Variants in HSF5 observed in about 807,000 individuals in gnomAD.
The protein encoded by HSF5 is heat shock factor protein 5.
A neutral mutation model predicts 50.8 loss-of-function variants in HSF5; 5 were observed. The ratio of observed to expected loss-of-function variants is 0.10; its 90% CI spans 0.05 to 0.21. The LOEUF (loss-of-function observed/expected upper bound fraction) is 0.21, where lower values mean the gene tolerates loss of function less well. HSF5 is among the 10% of genes least tolerant of loss of function. The pLI is 1.00. For missense variants in HSF5, 564 were observed against 762.6 expected, an observed-to-expected ratio of 0.74 and a Z score of 3.07; for synonymous variants, 307 against 307.4, an observed-to-expected ratio of 1.00 and a Z score of 0.02.
At chr17:58,478,908 CA>C (rs1975062360) in intron 2 of HSF5, among the ~76,000 whole-genome samples, 1 of 148,758 alleles carries the variant, frequency 6.7e-6, no homozygotes, top group South Asian at 2.1e-4. Flanking sequence ...GAAGAAAACA[CA>C]ACTTTTTTTT....
At chr17:58,438,441 T>G (rs998793229) in intron 5 of HSF5, among the ~76,000 whole-genome samples, 3 of 152,162 alleles carry the variant, frequency 2.0e-5, no homozygotes, top group African/African-American at 7.2e-5. Context: ...AAGGGATACA[T>G]GATTATATGT....
intron 1 of HSF5, among the ~76,000 whole-genome samples, chr17:58,483,303 G>A (rs1975125719): frequency 6.6e-6 from 1 of 152,118 alleles, no homozygotes; most frequent in Non-Finnish European, 1.5e-5. Flanking sequence ...TATTTTAGAT[G>A]CAGTTAAAAT....
rs60110254 is a variant in HSF5 at position 58,462,469 on chromosome 17, A to C, written c.1542+313T>G. ...CAGGCATATCTAATCTATCCAAATT[A>C]AGATAGGAAGCAAAAACTCAAGAGA... On this transcript the variant is annotated intron_variant, in intron 4 of 5. Transcript: ENST00000323777. 9.6e-3 allele frequency among the ~76,000 whole-genome samples: 1,457 copies of C among 152,346 alleles called. 27 individuals are homozygous for C. The highest frequency in any genetic ancestry group is 0.033 in the African/African-American group (1,358 of 41,578).
At chr17:58,462,334 G>C (rs1974805483) in intron 4 of HSF5, among the ~76,000 whole-genome samples, 2 of 152,168 alleles carry the variant, frequency 1.3e-5, no homozygotes, top group African/African-American at 4.8e-5. Flanking sequence ...CTGTAATAAA[G>C]TTAGAAAAGA....
In HSF5 at chr17:58,462,920, C is replaced by A. The variant is rs762216209; in HGVS notation, c.1404G>T (p.Gln468His). 6.2e-7 allele frequency: 1 copy of A among 1,614,154 alleles called. No individual in the cohort carries two copies. Among genetic ancestry groups the A allele is most frequent in the Non-Finnish European group, 8.5e-7 (1 of 1,180,026 alleles). ...PEYIYTIHTA[Q>H]PVENSTIQES... ...CCTGTATTGTGCTATTTTCAACAGGCTGAGCTGTGTGGATGGTATAGATGT... is the reference window on the plus strand; with the variant it reads ...CCTGTATTGTGCTATTTTCAACAGGATGAGCTGTGTGGATGGTATAGATGT... The change falls in exon 4 of 6, where the codon CAG (glutamine) becomes CAT (histidine). Residue 468 changes from glutamine (Q) to histidine (H), a missense_variant. Physicochemically the swap from Gln to His is conservative, Grantham distance 24. Around this residue, in one of 5 missense-constraint regions of HSF5, gnomAD observed 441 missense variants for 533.6 expected, o/e 0.83. Transcript: ENST00000323777.
intron 2 of HSF5, 53 bp downstream of exon 2, chr17:58,479,840 T>C (rs1223541442): frequency 6.9e-7 from 1 of 1,458,658 alleles, no homozygotes; most frequent in African/African-American, 1.4e-5. Flanking sequence ...TATATATATA[T>C]GCTCATTATA....
In HSF5 at chr17:58,488,114, G is replaced by A; in HGVS notation, c.161C>T (p.Pro54Leu). ...AGTCCCGCCACCGCCCCCCGGCCCG[G>A]GCGGGCTGAGCAGCTCGGCCTCGAA... ...PLFEAELLSP[P>L]GPGGGGGTAG... Residue 54 changes from proline (P) to leucine (L), a missense_variant, in exon 1 of 6, where the codon CCC becomes CTC. Physicochemically the swap from Pro to Leu is moderately conservative, Grantham distance 98. Around this residue, in one of 5 missense-constraint regions of HSF5, gnomAD observed 72 missense variants for 110.9 expected, o/e 0.65. Transcript: ENST00000323777. This position sits in a 1 kb window ranked among gnomAD's most constrained non-coding sequence, Gnocchi z 4.1. 1 of 1,575,630 alleles carries A rather than the reference G, an allele frequency of 6.3e-7. No homozygotes were observed. The highest frequency in any genetic ancestry group is 8.6e-7 in the Non-Finnish European group (1 of 1,169,024).
intron 5 of HSF5, 84 bp from the exon 6 acceptor site, chr17:58,422,514 CTA>C: frequency 9.8e-7 from 1 of 1,015,246 alleles, no homozygotes; most frequent in Non-Finnish European, 1.5e-6. Flanking sequence ...AACAAGTTGT[CTA>C]TGTCTCACCT....
intron 2 of HSF5, among the ~76,000 whole-genome samples, chr17:58,479,164 A>T (rs1232795811): frequency 6.6e-6 from 1 of 152,056 alleles, no homozygotes; most frequent in Non-Finnish European, 1.5e-5. Flanking sequence ...TTCATTAAAT[A>T]TCATTACTGA....
chr17:58,425,595 A>AAAAAAAAG (rs1974286980), intron 5 of HSF5, among the ~76,000 whole-genome samples: 1 of 150,910 alleles, frequency 6.6e-6, no homozygotes, highest in Non-Finnish European at 1.5e-5. Flanking sequence ...AAAAAAAAAA[A>AAAAAAAAG]AAAAAAACAG....
At chr17:58,475,610 C>T (rs1224638378) in intron 2 of HSF5, among the ~76,000 whole-genome samples, 1 of 152,172 alleles carries the variant, frequency 6.6e-6, no homozygotes, top group Admixed American at 6.6e-5. Context: ...CTTAACCCCC[C>T]CAAACATCTC....
chr17:58,460,442 T>A (rs1187940153), intron 4 of HSF5, among the ~76,000 whole-genome samples: 2 of 148,940 alleles, frequency 1.3e-5, no homozygotes, highest in African/African-American at 2.5e-5. Flanking sequence ...TATAATGAAA[T>A]AAAAAGTTTA....
At chr17:58,472,306 C>A (rs1338918119) in intron 2 of HSF5, among the ~76,000 whole-genome samples, 1 of 152,026 alleles carries the variant, frequency 6.6e-6, no homozygotes, top group Non-Finnish European at 1.5e-5. Flanking sequence ...AGCTGTACCC[C>A]CCCCAAAAAA....
chr17:58,440,723 G>T (rs1264678990), intron 5 of HSF5, among the ~76,000 whole-genome samples: 1 of 152,106 alleles, frequency 6.6e-6, no homozygotes, highest in Non-Finnish European at 1.5e-5. Context: ...CAAATTCCAA[G>T]CTTGAAAAAT....
intron 5 of HSF5, among the ~76,000 whole-genome samples, chr17:58,444,433 C>T (rs1285910684): frequency 6.6e-6 from 1 of 152,138 alleles, no homozygotes; most frequent in African/African-American, 2.4e-5. Flanking sequence ...AAATGACCTT[C>T]AACAAGGGTG....
At chr17:58,424,063 G>A (rs991278246) in intron 5 of HSF5, among the ~76,000 whole-genome samples, 2 of 152,110 alleles carry the variant, frequency 1.3e-5, no homozygotes, top group African/African-American at 4.8e-5. Flanking sequence ...CCAGGGATAG[G>A]TGCTTACTCA....
At chr17:58,467,976 T>C (rs1974891183) in intron 2 of HSF5, among the ~76,000 whole-genome samples, 1 of 152,230 alleles carries the variant, frequency 6.6e-6, no homozygotes, top group South Asian at 2.1e-4. Context: ...CAGTAGTAAA[T>C]GCTTTACATA....
intron 2 of HSF5, 78 bp from the exon 3 acceptor site, chr17:58,467,057 C>T (rs1301641016): frequency 2.2e-5 from 20 of 910,244 alleles, no homozygotes; most frequent in Middle Eastern, 2.1e-4. Context: ...CCTCTTTCAA[C>T]ATGGAAAGAA....
intron 2 of HSF5, chr17:58,476,761 G>C: frequency 6.3e-7 from 1 of 1,598,626 alleles, no homozygotes. Flanking sequence ...ATGGTTGGCG[G>C]AGTTTGTTAT....
Sources: allele counts gnomAD v4.1 joint callset (sites outside exome capture counted in the v4.1 genomes callset), GRCh38; gene constraint gnomAD v4.1.1; regional missense constraint gnomAD v4.1.1; non-coding constraint Gnocchi (gnomAD v3.1); transcripts MANE v1.5; gene names NCBI Gene and HGNC (gene_info 2026-07-23, HGNC 2026-07-21).